QTMAN: variants seen among roughly 807,000 people sequenced by gnomAD.
The protein encoded by QTMAN is queuosine-tRNA mannosyltransferase.
chr2:143,944,966 T>C, the QTMAN span: 2 of 152,176 alleles, frequency 1.3e-5, no homozygotes, highest in Admixed American at 1.3e-4. Context: ...TGGGTACTAG[T>C]TGTGTGTGGA....
the QTMAN span, among the ~76,000 whole-genome samples, chr2:144,050,092 C>T: frequency 7.4e-4 from 112 of 152,182 alleles, 1 homozygote; most frequent in East Asian, 0.014. Context: ...CAAATTAAGT[C>T]CTCCTCAAAA....
chr2:143,981,488 G>A, the QTMAN span, among the ~76,000 whole-genome samples: 2 of 152,086 alleles, frequency 1.3e-5, no homozygotes, highest in Non-Finnish European at 2.9e-5. Flanking sequence ...CAATCAGATG[G>A]GAAAGAATCT....
At chr2:144,095,705 T>C in the QTMAN span, among the ~76,000 whole-genome samples, 4 of 152,166 alleles carry the variant, frequency 2.6e-5, no homozygotes, top group Non-Finnish European at 5.9e-5. Flanking sequence ...ATATTTTCCT[T>C]TTAATTTCTT....
the QTMAN span, among the ~76,000 whole-genome samples, chr2:144,227,112 T>C: frequency 2.6e-4 from 40 of 152,338 alleles, no homozygotes; most frequent in Admixed American, 1.6e-3. Flanking sequence ...TGCTTTAATA[T>C]GTCTTTAGCC....
chr2:144,029,706 A>G, the QTMAN span, among the ~76,000 whole-genome samples: 6,321 of 152,302 alleles, frequency 0.042, 230 homozygotes, highest in East Asian at 0.18. Flanking sequence ...ACTAGACACC[A>G]GTATCAAAAT....
At chr2:144,018,755 T>C in the QTMAN span, among the ~76,000 whole-genome samples, 11 of 152,312 alleles carry the variant, frequency 7.2e-5, no homozygotes, top group South Asian at 2.1e-3. Flanking sequence ...GTGCCTATTA[T>C]GTGCCAGGTA....
chr2:144,298,307 C>T, the QTMAN span, among the ~76,000 whole-genome samples: 3,563 of 152,146 alleles, frequency 0.023, 68 homozygotes, highest in Non-Finnish European at 0.039. Flanking sequence ...CGTGAGCCAC[C>T]GCGCCCAGAG....
chr2:144,145,107 TTA>T, the QTMAN span, among the ~76,000 whole-genome samples: 2 of 145,312 alleles, frequency 1.4e-5, no homozygotes, highest in African/African-American at 5.1e-5. Flanking sequence ...GTCTTACAAT[TTA>T]AAAAAAAAAA....
the QTMAN span, among the ~76,000 whole-genome samples, chr2:144,099,838 T>C: frequency 0.014 from 2,099 of 152,302 alleles, 49 homozygotes; most frequent in African/African-American, 0.048. Context: ...CCAGAAACAT[T>C]TCTGCCTCAC....
chr2:144,308,701 C>T, the QTMAN span, among the ~76,000 whole-genome samples: 1 of 152,006 alleles, frequency 6.6e-6, no homozygotes, highest in African/African-American at 2.4e-5. Context: ...CGCGGTGGCT[C>T]ACGCCTGTAA....
the QTMAN span, among the ~76,000 whole-genome samples, chr2:144,193,061 C>G: frequency 6.6e-6 from 1 of 151,958 alleles, no homozygotes; most frequent in East Asian, 1.9e-4. Context: ...CTCATTCCAC[C>G]ACAGGTATGA....
chr2:144,272,603 GTTTT>G, the QTMAN span, among the ~76,000 whole-genome samples: 3 of 152,092 alleles, frequency 2.0e-5, no homozygotes, highest in African/African-American at 7.2e-5. Flanking sequence ...CTAAGAGACA[GTTTT>G]ACTGACACAG....
chr2:144,319,085 TTTTAAG>T, the QTMAN span, among the ~76,000 whole-genome samples: 4 of 152,306 alleles, frequency 2.6e-5, no homozygotes, highest in Non-Finnish European at 5.9e-5. Context: ...TGCCAAATCA[TTTTAAG>T]TGAATTTAAT....
At chr2:144,141,891 T>G in the QTMAN span, 3 of 1,609,966 alleles carry the variant, frequency 1.9e-6, no homozygotes, top group Non-Finnish European at 2.5e-6. Flanking sequence ...CCTGCTCACA[T>G]CAGGAAACCT....
chr2:144,001,064 G>A, the QTMAN span, among the ~76,000 whole-genome samples: 1 of 151,862 alleles, frequency 6.6e-6, no homozygotes, highest in Non-Finnish European at 1.5e-5. Flanking sequence ...AGTTATTTCA[G>A]CAATGAGAAA....
the QTMAN span, among the ~76,000 whole-genome samples, chr2:143,948,682 T>C: frequency 1.3e-5 from 2 of 152,168 alleles, no homozygotes; most frequent in East Asian, 1.9e-4. Context: ...CAAATAATTG[T>C]TGAGAATTTT....
the QTMAN span, among the ~76,000 whole-genome samples, chr2:144,021,167 C>A: frequency 6.6e-6 from 1 of 152,048 alleles, no homozygotes; most frequent in Admixed American, 6.6e-5. Flanking sequence ...CAAGTAGAAT[C>A]ATTATAGAAT....
the QTMAN span, among the ~76,000 whole-genome samples, chr2:144,058,747 C>T: frequency 6.6e-6 from 1 of 152,178 alleles, no homozygotes; most frequent in East Asian, 1.9e-4. Flanking sequence ...TAATCCTGCT[C>T]ATTTCTCTGG....
the QTMAN span, among the ~76,000 whole-genome samples, chr2:144,261,416 C>T: frequency 1.3e-5 from 2 of 151,896 alleles, no homozygotes; most frequent in Non-Finnish European, 1.5e-5. Flanking sequence ...TATATCAATG[C>T]ATGTCCTTGG....
Sources: gnomAD v4.1 joint callset for allele counts (sites outside exome capture counted in the v4.1 genomes callset) on GRCh38, gnomAD v4.1.1 for gene constraint, MANE v1.5 for transcripts, NCBI Gene and HGNC (gene_info 2026-07-23, HGNC 2026-07-21) for gene names.